Variants in GTF2F2 observed in about 807,000 individuals in gnomAD.
The protein encoded by GTF2F2 is ATP-dependent helicase GTF2F2.
Under a neutral mutation model 42.2 loss-of-function variants are expected in GTF2F2, and 23 were observed. The observed-to-expected ratio is 0.55, with a 90% CI of 0.39 to 0.77. The LOEUF is 0.77. GTF2F2 is among the 30% of genes least tolerant of loss of function. The pLI is 0.00. For synonymous variants in GTF2F2, 105 were observed against 100.8 expected (o/e 1.04, Z -0.25); for missense variants, 261 against 287.2 (o/e 0.91, Z 0.66).
At chr13:45,135,284 CTTTA>C (rs760228296) in intron 1 of GTF2F2, among the ~76,000 whole-genome samples, 24 of 151,432 alleles carry the variant, frequency 1.6e-4, no homozygotes, top group Non-Finnish European at 2.9e-4. Context: ...TGTTCAGTAA[CTTTA>C]TTTATTTTTT....
At position 45,165,584 on chromosome 13, in the gene GTF2F2, G is replaced by A. The variant is rs550136574; in HGVS notation, c.304+13753G>A. On this transcript the variant is annotated intron_variant, in intron 4 of 7. Transcript: ENST00000340473. ...CTGCCCTCGCCCCCCCCCGCCGCCC[G>A]CTTTTAACCTTTTCATTCTGGAAAA... Among the ~76,000 whole-genome samples, 232 of 129,724 alleles carry A rather than the reference G, an allele frequency of 1.8e-3. 1 individual carries two copies. The highest frequency in any genetic ancestry group is 4.0e-3 in the Middle Eastern group (1 of 250). The allele number at this position is 129,724 out of a possible 152,430, so 85.1% of individuals were successfully genotyped here. A position where few individuals can be genotyped will look rare whatever the true frequency, so the allele number is the denominator to read the frequency against.
chr13:45,189,927 C>G (rs1393702201), intron 4 of GTF2F2, among the ~76,000 whole-genome samples: 4 of 152,224 alleles, frequency 2.6e-5, no homozygotes, highest in African/African-American at 9.6e-5. Flanking sequence ...TAGGCAGTAC[C>G]ATTCAGGACA....
At chr13:45,125,599 G>A (rs1024737954) in intron 1 of GTF2F2, among the ~76,000 whole-genome samples, 1 of 152,142 alleles carries the variant, frequency 6.6e-6, no homozygotes, top group Non-Finnish European at 1.5e-5. Flanking sequence ...TGGGATTACC[G>A]GTGTGAGCCA....
intron 5 of GTF2F2, among the ~76,000 whole-genome samples, chr13:45,232,129 A>G (rs1257913649): frequency 6.6e-6 from 1 of 152,222 alleles, no homozygotes; most frequent in Admixed American, 6.5e-5. Context: ...TCATACTTAC[A>G]TATATCAGAG....
At chr13:45,264,707 T>A (rs1876492720) in intron 6 of GTF2F2, among the ~76,000 whole-genome samples, 1 of 152,258 alleles carries the variant, frequency 6.6e-6, no homozygotes, top group African/African-American at 2.4e-5. Context: ...TATTAATTTT[T>A]ACCTTTGATT....
chr13:45,216,478 G>A (rs1283790630), intron 5 of GTF2F2, among the ~76,000 whole-genome samples: 2 of 151,798 alleles, frequency 1.3e-5, no homozygotes, highest in African/African-American at 4.8e-5. Flanking sequence ...TAATATGTGG[G>A]GCTGTACGTC....
chr13:45,213,335 C>G (rs1234888780), intron 5 of GTF2F2, among the ~76,000 whole-genome samples: 2 of 151,966 alleles, frequency 1.3e-5, no homozygotes, highest in East Asian at 3.9e-4. Context: ...CGCCTCGGCC[C>G]CTCAAAGTGC....
chr13:45,150,836 G>A (rs1442740353), intron 3 of GTF2F2, among the ~76,000 whole-genome samples: 3 of 151,742 alleles, frequency 2.0e-5, no homozygotes, highest in Non-Finnish European at 2.9e-5. Flanking sequence ...GAACCACTGC[G>A]CCCAGCCAGA....
At chr13:45,196,386 A>G (rs1360961034) in intron 4 of GTF2F2, among the ~76,000 whole-genome samples, 1 of 152,194 alleles carries the variant, frequency 6.6e-6, no homozygotes, top group Non-Finnish European at 1.5e-5. Flanking sequence ...TTATATTCTG[A>G]CAATCTCATG....
intron 4 of GTF2F2, among the ~76,000 whole-genome samples, chr13:45,202,454 T>TGC (rs1305875180): frequency 6.6e-6 from 1 of 152,134 alleles, no homozygotes; most frequent in Non-Finnish European, 1.5e-5. Flanking sequence ...TGTGTGTGTG[T>TGC]GCAAGTACAT....
intron 2 of GTF2F2, among the ~76,000 whole-genome samples, chr13:45,143,887 T>G (rs1362290144): frequency 3.3e-5 from 5 of 152,172 alleles, no homozygotes; most frequent in African/African-American, 1.2e-4. Flanking sequence ...TATATGATAT[T>G]TCTAAACCAA....
chr13:45,256,927 C>CA (rs1289820824), intron 6 of GTF2F2, among the ~76,000 whole-genome samples: 3 of 151,430 alleles, frequency 2.0e-5, no homozygotes, highest in South Asian at 2.1e-4. Context: ...AATAAAAATT[C>CA]AAAAAAAATT....
At chr13:45,140,321 C>A (rs914477404) in intron 2 of GTF2F2, among the ~76,000 whole-genome samples, 29 of 152,090 alleles carry the variant, frequency 1.9e-4, no homozygotes, top group African/African-American at 6.8e-4. Context: ...TATAGGGGGC[C>A]AACTGTAATA....
At chr13:45,235,103 A>C (rs183496796) in intron 5 of GTF2F2, among the ~76,000 whole-genome samples, 1 of 151,600 alleles carries the variant, frequency 6.6e-6, no homozygotes, top group East Asian at 1.9e-4. Flanking sequence ...GAGAAGGCTA[A>C]TAACATGAAC....
In GTF2F2 at chr13:45,180,895, G is replaced by A. The variant is rs147482403; in HGVS notation, c.305-26529G>A. ...AACGAAAGTGATCTGGGCGTGGTGG[G>A]TCACGCCTATAATCCCAGCACTTTG... is the stretch of plus-strand genomic sequence containing the variant. On this transcript the variant is annotated intron_variant, in intron 4 of 7. Coordinates refer to ENST00000340473, the MANE Select transcript of GTF2F2 (RefSeq NM_004128.3). Among the ~76,000 whole-genome samples, 1,054 of 152,024 alleles carry A rather than the reference G, an allele frequency of 6.9e-3. 16 individuals carry two copies. Among genetic ancestry groups the A allele is most frequent in the African/African-American group, 0.024 (989 of 41,464 alleles).
intron 4 of GTF2F2, among the ~76,000 whole-genome samples, chr13:45,196,750 G>C (rs747542565): frequency 4.6e-5 from 7 of 152,188 alleles, no homozygotes; most frequent in Non-Finnish European, 1.0e-4. Context: ...CTTACACCCT[G>C]TTTGGCCTGT....
chr13:45,206,696 T>C (rs7981521), intron 4 of GTF2F2: 1 of 152,130 alleles, frequency 6.6e-6, no homozygotes, highest in African/African-American at 2.4e-5. Flanking sequence ...TGGTGGCCAG[T>C]AGGCACACAA....
At chr13:45,264,402 C>T (rs550923870) in intron 6 of GTF2F2, among the ~76,000 whole-genome samples, 2 of 152,178 alleles carry the variant, frequency 1.3e-5, no homozygotes, top group Admixed American at 6.5e-5. Context: ...CTGCCTCAGC[C>T]TCCCTAGTAG....
chr13:45,277,963 G>A (rs1357907630), intron 7 of GTF2F2, among the ~76,000 whole-genome samples: 1 of 152,186 alleles, frequency 6.6e-6, no homozygotes, highest in Non-Finnish European at 1.5e-5. Context: ...AGCATTAGTA[G>A]TTGGTGATCA....
Sources: allele counts gnomAD v4.1 joint callset (sites outside exome capture counted in the v4.1 genomes callset), GRCh38; gene constraint gnomAD v4.1.1; transcripts MANE v1.5; gene names NCBI Gene and HGNC (gene_info 2026-07-23, HGNC 2026-07-21).